ZNF560: variants seen among roughly 807,000 people sequenced by gnomAD.
ZNF560 encodes the protein zinc finger protein 560.
In ZNF560, 54 loss-of-function variants were observed where a neutral mutation model predicts 81.8. The ratio of observed to expected loss-of-function variants is 0.66; its 90% CI spans 0.53 to 0.83. The LOEUF is 0.83. Ranked by LOEUF, ZNF560 falls within the 40% of genes least tolerant of loss-of-function variation. The pLI, the probability that ZNF560 is intolerant of heterozygous loss-of-function variation, is 0.00. For missense variants in ZNF560, 940 were observed against 932.4 expected (o/e 1.01, Z -0.11); for synonymous variants, 321 against 317.9 (o/e 1.01, Z -0.10).
At chr19:9,446,760 G>C in the ZNF560 span, among the ~76,000 whole-genome samples, 2 of 152,100 alleles carry the variant, frequency 1.3e-5, no homozygotes, top group African/African-American at 2.4e-5. Flanking sequence ...AGGAGAACTT[G>C]ATTTACTTAT....
At chr19:9,462,572 G>A (rs2072950187), downstream of ZNF560, among the ~76,000 whole-genome samples, 1 of 151,830 alleles carries the variant, frequency 6.6e-6, no homozygotes, top group African/African-American at 2.4e-5. Context: ...CTGGATTGTG[G>A]TCTCCATGAC....
At chr19:9,464,859 C>A (rs1338855376), downstream of ZNF560, among the ~76,000 whole-genome samples, 3 of 152,130 alleles carry the variant, frequency 2.0e-5, no homozygotes, top group Non-Finnish European at 4.4e-5. Context: ...CAGGCTTTGA[C>A]AGGTTTCAGA....
rs148007288 is a variant in ZNF560, at chr19:9,482,939, G to A, written c.-56-7570C>T. Among the ~76,000 whole-genome samples, 1,392 of 152,328 alleles carry A rather than the reference G, an allele frequency of 9.1e-3. 16 individuals carry two copies. The highest frequency in any genetic ancestry group is 0.032 in the African/African-American group (1,341 of 41,564). ...CTCGGCCTCCCGAGGTGCCGGGATTGCAGATGGAGTCTCGTTCACTCAGTG... is the reference window on the plus strand; with the variant it reads ...CTCGGCCTCCCGAGGTGCCGGGATTACAGATGGAGTCTCGTTCACTCAGTG... On this transcript the variant is annotated intron_variant, in intron 2 of 9. Transcript: ENST00000301480.
chr19:9,482,568 T>C (rs1400997065), intron 2 of ZNF560, among the ~76,000 whole-genome samples: 1 of 151,838 alleles, frequency 6.6e-6, no homozygotes, highest in African/African-American at 2.4e-5. Context: ...CAAGGCTGCA[T>C]TGAGCCATGA....
At chr19:9,490,653 T>C (rs1425470886) in intron 2 of ZNF560, among the ~76,000 whole-genome samples, 1 of 152,252 alleles carries the variant, frequency 6.6e-6, no homozygotes. Flanking sequence ...ATGAACATAG[T>C]TGTTCTGTTC....
chr19:9,447,840 C>T, the ZNF560 span, among the ~76,000 whole-genome samples: 4 of 152,064 alleles, frequency 2.6e-5, no homozygotes, highest in Non-Finnish European at 5.9e-5. Context: ...GAGAGGTAGC[C>T]ATCCATATGT....
At chr19:9,451,800 C>T in the ZNF560 span, among the ~76,000 whole-genome samples, 14 of 152,142 alleles carry the variant, frequency 9.2e-5, no homozygotes, top group South Asian at 8.3e-4. Flanking sequence ...AATGGTTTGG[C>T]GCAGTGTCTC....
chr19:9,450,346 A>G, the ZNF560 span, among the ~76,000 whole-genome samples: 2 of 152,094 alleles, frequency 1.3e-5, no homozygotes, highest in Non-Finnish European at 2.9e-5. Context: ...GCTATTCAAC[A>G]TAGTACTAGG....
intron 2 of ZNF560, among the ~76,000 whole-genome samples, chr19:9,489,441 G>A (rs928734327): frequency 2.0e-5 from 3 of 151,686 alleles, no homozygotes; most frequent in Non-Finnish European, 2.9e-5. Context: ...CTTCCCAGAC[G>A]GTAGGCAGCT....
the ZNF560 span, among the ~76,000 whole-genome samples, chr19:9,460,356 C>A: frequency 6.6e-6 from 1 of 152,218 alleles, no homozygotes; most frequent in African/African-American, 2.4e-5. Context: ...AATTTTATGA[C>A]AGCGGTGATC....
At chr19:9,455,470 T>G in the ZNF560 span, among the ~76,000 whole-genome samples, 1 of 152,224 alleles carries the variant, frequency 6.6e-6, no homozygotes. Context: ...GTGGCTGGGC[T>G]GCATTAGACG....
Position 9,473,268 on chromosome 19 carries a change from G to A in ZNF560, c.158-9C>T, listed in dbSNP as rs770658948. ...TTTAAAGAGCTGAAATCCTTTACAT[G>A]AAGAAATGATACATTAATGGAAGAG... On this transcript the variant is annotated splice_polypyrimidine_tract_variant and intron_variant, in intron 4 of 9. Transcript: ENST00000301480. 3.7e-6 allele frequency: 6 copies of A among 1,600,712 alleles called. No homozygotes were observed. In the South Asian group the frequency reaches 6.7e-5, roughly 18 times the overall value.
intron 2 of ZNF560, among the ~76,000 whole-genome samples, chr19:9,495,225 T>C (rs929954231): frequency 6.6e-6 from 1 of 152,192 alleles, no homozygotes; most frequent in Admixed American, 6.5e-5. Flanking sequence ...AGCATGCTTA[T>C]CAAATTTGTA....
chr19:9,483,174 T>C (rs1319639441), intron 2 of ZNF560, among the ~76,000 whole-genome samples: 1 of 148,148 alleles, frequency 6.8e-6, no homozygotes, highest in Non-Finnish European at 1.5e-5. Flanking sequence ...GTCTGGGAAG[T>C]GAGGAGTGCC....
At chr19:9,503,364 G>A (rs1010678507), upstream of ZNF560, among the ~76,000 whole-genome samples, 3 of 152,016 alleles carry the variant, frequency 2.0e-5, no homozygotes, top group East Asian at 1.9e-4. Flanking sequence ...GTGACTAACA[G>A]AAATTTTTTT....
downstream of ZNF560, among the ~76,000 whole-genome samples, chr19:9,461,945 T>A (rs1283857331): frequency 2.0e-5 from 3 of 152,232 alleles, no homozygotes; most frequent in Non-Finnish European, 4.4e-5. Flanking sequence ...ATAAATCCTA[T>A]GAAATGCATA....
At chr19:9,498,997 C>A (rs1306324290), upstream of ZNF560, among the ~76,000 whole-genome samples, 2 of 152,210 alleles carry the variant, frequency 1.3e-5, no homozygotes, top group African/African-American at 4.8e-5. Flanking sequence ...TGATAACCTG[C>A]CAATCCACAA....
chr19:9,474,079 A>G, intron 4 of ZNF560, 120 bp downstream of exon 4: 2 of 1,149,774 alleles, frequency 1.7e-6, no homozygotes, highest in Non-Finnish European at 2.6e-6. Context: ...ATTAAGACCT[A>G]TTATGGCAGG....
chr19:9,504,937 C>T, the ZNF560 span, among the ~76,000 whole-genome samples: 7 of 152,064 alleles, frequency 4.6e-5, no homozygotes, highest in African/African-American at 1.7e-4. Flanking sequence ...GTACAAAAAT[C>T]AGCTGGGTGT....
Sources: gnomAD v4.1 joint callset for allele counts (sites outside exome capture counted in the v4.1 genomes callset) on GRCh38, gnomAD v4.1.1 for gene constraint, MANE v1.5 for transcripts, NCBI Gene and HGNC (gene_info 2026-07-23, HGNC 2026-07-21) for gene names.